COL7A1: variants seen among roughly 807,000 people sequenced by gnomAD.
COL7A1 encodes the protein collagen type VII alpha 1 chain, also known as collagen alpha-1(VII) chain.
Under a neutral mutation model 456.2 loss-of-function variants are expected in COL7A1, and 296 were observed. The observed-to-expected ratio is 0.65, with a 90% CI of 0.59 to 0.71. The LOEUF (loss-of-function observed/expected upper bound fraction) is 0.71, where lower values mean the gene tolerates loss of function less well. Among genes scored for constraint, COL7A1 ranks in the 30% least tolerant of loss-of-function variants. COL7A1 has a pLI of 0.00. For synonymous variants in COL7A1, 1,464 were observed against 1,525.9 expected, an observed-to-expected ratio of 0.96 and a Z score of 0.95; for missense variants, 3,441 against 4,017.2, an observed-to-expected ratio of 0.86 and a Z score of 3.88.
chr3:48,594,363 C>T lies in COL7A1; in HGVS notation c.266+5G>A. On this transcript the variant is annotated splice_donor_5th_base_variant and intron_variant, in intron 3 of 118. Transcript: ENST00000681320. This position sits in a 1 kb window ranked among gnomAD's most constrained non-coding sequence, Gnocchi z 5.5. ...TGGTCCCCAGCCCCCAGGGCCCCTA[C>T]TCACCGTGGGTCATCGCTGTACTGC... 1 of 1,609,630 alleles carries T rather than the reference C, an allele frequency of 6.2e-7. No homozygotes were observed. Among genetic ancestry groups the T allele is most frequent in the Non-Finnish European group, 8.5e-7 (1 of 1,180,002 alleles).
chr3:48,584,403 C>A, intron 36 of COL7A1, 28 bp from the exon 37 acceptor site: 2 of 1,613,488 alleles, frequency 1.2e-6, no homozygotes, highest in Non-Finnish European at 1.7e-6. Flanking sequence ...GTATAAGGTG[C>A]AACCCCACAG....
chr3:48,576,887 T>G lies in COL7A1; in HGVS notation c.5601A>C (p.Arg1867Ser). 1 of 1,613,974 alleles carries G rather than the reference T, an allele frequency of 6.2e-7. No homozygotes were observed. Among genetic ancestry groups the G allele is most frequent in the Non-Finnish European group, 8.5e-7 (1 of 1,180,012 alleles). ...GEKGDSGASG[R>S]EGRDGPKGER... ...TGCAGAAAACTCCAATACTCACTTC[T>G]CTCCCAGAGGCGCCTGAATCTCCTT... The change falls in exon 67 of 119, where the codon AGA becomes AGC. Residue 1867 changes from arginine to serine, a missense_variant. Coordinates refer to ENST00000681320, the MANE Select transcript of COL7A1 (RefSeq NM_000094.4).
In COL7A1 at chr3:48,586,993, A is replaced by G; in HGVS notation, c.3255T>C (p.Pro1085=). The change falls in exon 25 of 119, where the codon CCT becomes CCC. Residue 1085 remains proline (P), a synonymous_variant. Transcript: ENST00000681320. This position sits in a 1 kb window ranked among gnomAD's most constrained non-coding sequence, Gnocchi z 5.1. Reference sequence around the variant, plus strand: ...AAACCTGAACTGCCTGTGGCCCAAGAGGCCCAAGTGCCAACACCAGACGCT... The same window carrying G: ...AAACCTGAACTGCCTGTGGCCCAAGGGGCCCAAGTGCCAACACCAGACGCT... ...VLERLVLALG[P]LGPQAVQVGL... 1.3e-6 allele frequency: 2 copies of G among 1,598,556 alleles called. No homozygotes were observed. Among genetic ancestry groups the G allele is most frequent in the Non-Finnish European group, 1.7e-6 (2 of 1,172,792 alleles).
At chr3:48,589,295 GT>G in intron 18 of COL7A1, 31 bp downstream of exon 18, 1 of 1,611,318 alleles carries the variant, frequency 6.2e-7, no homozygotes. Context: ...AGCTAATGCG[GT>G]GTGGCTAGTA....
At chr3:48,576,226 G>T (rs374889190) in intron 71 of COL7A1, 23 bp downstream of exon 71, 2 of 1,613,108 alleles carry the variant, frequency 1.2e-6, no homozygotes, top group African/African-American at 2.7e-5. Context: ...CAGAGTCAAG[G>T]GGACATCCCA....
Position 48,568,866 on chromosome 3 carries a change from G to C in COL7A1, c.7687-11C>G, listed in dbSNP as rs1430698696. On this transcript the variant is annotated splice_polypyrimidine_tract_variant and intron_variant, in intron 103 of 118. Transcript: ENST00000681320. This position sits in a 1 kb window ranked among gnomAD's most constrained non-coding sequence, Gnocchi z 5.2. ...CTCTCCCTTGCTGCCCTGTGGGAGTGACCAGGAGAGGGATTCAGTCAGGAC... is the reference window on the plus strand; with the variant it reads ...CTCTCCCTTGCTGCCCTGTGGGAGTCACCAGGAGAGGGATTCAGTCAGGAC... 1 of 1,569,456 alleles carries C rather than the reference G, an allele frequency of 6.4e-7. No individual in the cohort carries two copies. Among genetic ancestry groups the C allele is most frequent in the South Asian group, 1.2e-5 (1 of 85,656 alleles).
chr3:48,569,594 T>C lies in COL7A1; in HGVS notation c.7612A>G (p.Met2538Val), dbSNP rs753441096. 1.7e-5 allele frequency: 27 copies of C among 1,613,578 alleles called. No homozygotes were observed. The highest frequency in any genetic ancestry group is 8.5e-6 in the Non-Finnish European group (10 of 1,179,806). ...PPGPRGAKGDMGERGPRGLDG... is the reference protein window; with the variant it reads ...PPGPRGAKGDVGERGPRGLDG... ...AGTCCACACGTGGGCCCACTCACCA[T>C]GTCCCCCTTGGCACCCCGTGGGCCT... The change falls in exon 102 of 119, where the codon ATG becomes GTG. Residue 2538 changes from methionine (M) to valine (V), a missense_variant and splice_region_variant. By Grantham distance (21) the Met-to-Val change is conservative. This residue lies in a region of COL7A1 where 2,084 missense variants were observed against 2,501.3 expected (regional missense o/e 0.83). Coordinates refer to ENST00000681320, the MANE Select transcript of COL7A1 (RefSeq NM_000094.4). This position sits in a 1 kb window ranked among gnomAD's most constrained non-coding sequence, Gnocchi z 4.9.
rs1237033247 is a variant in COL7A1 at position 48,588,395 on chromosome 3, G to A, written c.2597C>T (p.Ala866Val). 1.2e-6 allele frequency: 2 copies of A among 1,610,230 alleles called. No individual in the cohort carries two copies. Among genetic ancestry groups the A allele is most frequent in the Admixed American group, 3.3e-5 (2 of 59,938 alleles). ...VSIVVTTPPE[A>V]PPALGTLHVV... ...GTGAAGCGTCCCCAGGGCTGGCGGA[G>A]CCTCAGGCGCTGGAGAGAAAGCTCA... The change falls in exon 21 of 119, where the codon GCT becomes GTT. Residue 866 changes from alanine (A) to valine (V), a missense_variant. Physicochemically the swap from Ala to Val is moderately conservative, Grantham distance 64 (BLOSUM62 0). Coordinates refer to ENST00000681320, the MANE Select transcript of COL7A1 (RefSeq NM_000094.4). This position sits in a 1 kb window ranked among gnomAD's most constrained non-coding sequence, Gnocchi z 4.6.
rs1381299007 is a variant in COL7A1, at chr3:48,579,305, A to G, written c.5308-28T>C. 7 of 1,614,132 alleles carry G rather than the reference A, an allele frequency of 4.3e-6. No individual in the cohort carries two copies. Among genetic ancestry groups the G allele is most frequent in the Non-Finnish European group, 5.9e-6 (7 of 1,180,018 alleles). ...GTGGAAAATAGAGTGGTAAGAGGCCACCAAGGCTGAGGTGGATCTGATAAC... is the reference window on the plus strand; with the variant it reads ...GTGGAAAATAGAGTGGTAAGAGGCCGCCAAGGCTGAGGTGGATCTGATAAC... On this transcript the variant is annotated intron_variant, in intron 61 of 118. Transcript: ENST00000681320. This position sits in a 1 kb window ranked among gnomAD's most constrained non-coding sequence, Gnocchi z 4.4.
At position 48,590,814 on chromosome 3, in the gene COL7A1, C is replaced by A. The variant is rs755848206; in HGVS notation, c.1639G>T (p.Val547Phe). ...CCAGGAAGCACCAGGGTCCGCTCAACCCCTAAGAGAGAAGTCAGGGTAGGT... is the reference window on the plus strand; with the variant it reads ...CCAGGAAGCACCAGGGTCCGCTCAAACCCTAAGAGAGAAGTCAGGGTAGGT... ...YRIIVRSTQG[V>F]ERTLVLPGSQ... The change falls in exon 14 of 119, where the codon GTT becomes TTT. Residue 547 changes from valine to phenylalanine, a missense_variant and splice_region_variant. Transcript: ENST00000681320. This position sits in a 1 kb window ranked among gnomAD's most constrained non-coding sequence, Gnocchi z 4.6. 1 of 1,613,314 alleles carries A rather than the reference C, an allele frequency of 6.2e-7. No homozygotes were observed.
In COL7A1 at chr3:48,569,050, A is replaced by T. The variant is rs2043756133; in HGVS notation, c.7687-195T>A. Reference sequence around the variant, plus strand: ...GACTGGCTCATTTCTCACCCCAAGGACTCCAGACCCTTGCCCCGCCCTCTT... The same window carrying T: ...GACTGGCTCATTTCTCACCCCAAGGTCTCCAGACCCTTGCCCCGCCCTCTT... On this transcript the variant is annotated intron_variant, in intron 103 of 118. Transcript: ENST00000681320. This position sits in a 1 kb window ranked among gnomAD's most constrained non-coding sequence, Gnocchi z 4.9. Among the ~76,000 whole-genome samples the T allele has an allele frequency of 1.3e-5, 2 of 151,684 alleles. No homozygotes were observed. Among genetic ancestry groups the T allele is most frequent in the Admixed American group, 1.3e-4 (2 of 15,236 alleles).
In COL7A1 at chr3:48,574,226, C is replaced by G; in HGVS notation, c.6501+36G>C. 1 of 1,613,530 alleles carries G rather than the reference C, an allele frequency of 6.2e-7. No homozygotes were observed. Among genetic ancestry groups the G allele is most frequent in the Non-Finnish European group, 8.5e-7 (1 of 1,179,768 alleles). On this transcript the variant is annotated intron_variant, in intron 80 of 118. Coordinates refer to ENST00000681320, the MANE Select transcript of COL7A1 (RefSeq NM_000094.4). The surrounding 1 kb of genome is among the most constrained non-coding windows in gnomAD (Gnocchi z 5.0). ...CAGCAGCAGCACCTAGCGGAGGGTC[C>G]GGAGCCTGGGGCCAGGTGCTTCAGC... is the stretch of plus-strand genomic sequence containing the variant.
At position 48,572,426 on chromosome 3, in the gene COL7A1, T is replaced by A. The variant is rs2043989254; in HGVS notation, c.6937-5A>T. On this transcript the variant is annotated splice_region_variant and splice_polypyrimidine_tract_variant and intron_variant, in intron 89 of 118. Coordinates refer to ENST00000681320, the MANE Select transcript of COL7A1 (RefSeq NM_000094.4). The surrounding 1 kb of genome is among the most constrained non-coding windows in gnomAD (Gnocchi z 4.6). ...AGCAAGGCCTCCAGGGGCTCCCTGGTAAGGGGGAGAGGTCAGTGGGATTCC... is the reference window on the plus strand; with the variant it reads ...AGCAAGGCCTCCAGGGGCTCCCTGGAAAGGGGGAGAGGTCAGTGGGATTCC... The A allele has an allele frequency of 6.2e-7, 1 of 1,613,788 alleles. No homozygotes were observed. Among genetic ancestry groups the A allele is most frequent in the African/African-American group, 1.3e-5 (1 of 74,816 alleles).
chr3:48,572,744 G>A lies in COL7A1; in HGVS notation c.6832-5C>T. The A allele has an allele frequency of 1.2e-6, 2 of 1,610,456 alleles. No homozygotes were observed. The highest frequency in any genetic ancestry group is 3.4e-5 in the Admixed American group (2 of 59,452). On this transcript the variant is annotated splice_region_variant and splice_polypyrimidine_tract_variant and intron_variant, in intron 87 of 118. Transcript: ENST00000681320. The surrounding 1 kb of genome is among the most constrained non-coding windows in gnomAD (Gnocchi z 4.6). ...GCCAGGCAGACCTGGTGACCCCTAT[G>A]GCAGAGCAGCGTGAGGAACTCAGTG...
At chr3:48,577,051 G>A in intron 65 of COL7A1, 24 bp from the exon 66 acceptor site, 2 of 1,613,790 alleles carry the variant, frequency 1.2e-6, no homozygotes, top group Non-Finnish European at 1.7e-6. Flanking sequence ...ACTCACATCA[G>A]CCCAAACATT....
chr3:48,566,472 ACCCAGGCCCT>A lies in COL7A1; in HGVS notation c.8358+28_8358+37del. On this transcript the variant is annotated intron_variant, in intron 113 of 118. Transcript: ENST00000681320. This position sits in a 1 kb window ranked among gnomAD's most constrained non-coding sequence, Gnocchi z 5.9. ...GTAGGGCCCCAGCCCACCCAGGCCC[ACCCAGGCCCT>A]CCCAGGCCCATCCAGGCCCACACTC... The A allele has an allele frequency of 1.9e-6, 3 of 1,543,440 alleles. No homozygotes were observed. Among genetic ancestry groups the A allele is most frequent in the Non-Finnish European group, 2.7e-6 (3 of 1,120,766 alleles).
At position 48,583,356 on chromosome 3, in the gene COL7A1, GCACCCC is replaced by G; in HGVS notation, c.4437+31_4437+36del. 6.2e-7 allele frequency: 1 copy of G among 1,613,824 alleles called. No homozygotes were observed. The highest frequency in any genetic ancestry group is 1.7e-5 in the Admixed American group (1 of 60,006). On this transcript the variant is annotated intron_variant, in intron 42 of 118. Transcript: ENST00000681320. This position sits in a 1 kb window ranked among gnomAD's most constrained non-coding sequence, Gnocchi z 5.1. ...CTAACACCATGGGGAGCCCAGAGTA[GCACCCC>G]TCACACCTGAATCCCCCAACTGGTA...
intron 2 of COL7A1, 57 bp downstream of exon 2, chr3:48,595,018 G>A: frequency 7.2e-7 from 1 of 1,391,768 alleles, no homozygotes; most frequent in South Asian, 1.2e-5. Context: ...AGGCCGAGTG[G>A]AGCGGAGGGT....
intron 18 of COL7A1, 56 bp downstream of exon 18, chr3:48,589,271 C>T (rs1196430936): frequency 1.2e-5 from 20 of 1,610,084 alleles, no homozygotes; most frequent in African/African-American, 2.7e-5. Flanking sequence ...CAGGAACACA[C>T]AGCAGGGCAG....
Sources: allele counts gnomAD v4.1 joint callset (sites outside exome capture counted in the v4.1 genomes callset), GRCh38; gene constraint gnomAD v4.1.1; regional missense constraint gnomAD v4.1.1; non-coding constraint Gnocchi (gnomAD v3.1); transcripts MANE v1.5; gene names NCBI Gene and HGNC (gene_info 2026-07-23, HGNC 2026-07-21).